The following MCC variants were observed in gnomAD, a reference collection of about 807,000 sequenced individuals.
The protein encoded by MCC is MCC regulator of Wnt signaling pathway, also known as colorectal mutant cancer protein.
In MCC, 90 loss-of-function variants were observed where a neutral mutation model predicts 116.2. The observed-to-expected ratio is 0.77, with a 90% CI of 0.65 to 0.92. MCC has a LOEUF of 0.92. Among genes scored for constraint, MCC ranks in the 40% least tolerant of loss-of-function variants. MCC has a pLI of 0.00. For synonymous variants in MCC, 578 were observed against 510.5 expected (o/e 1.13, Z -1.78); for missense variants, 1,516 against 1,312.2 (o/e 1.16, Z -2.40).
At chr5:113,443,804 A>G (rs1394932346) in intron 1 of MCC, among the ~76,000 whole-genome samples, 1 of 151,988 alleles carries the variant, frequency 6.6e-6, no homozygotes, top group Non-Finnish European at 1.5e-5. Context: ...ACATTTATTG[A>G]TTTGCATATG....
At chr5:113,156,412 G>A (rs552080204) in intron 3 of MCC, among the ~76,000 whole-genome samples, 12 of 152,298 alleles carry the variant, frequency 7.9e-5, no homozygotes, top group African/African-American at 2.2e-4. Context: ...CTCAACAAAC[G>A]GGTTTGTTTG....
At chr5:113,248,996 A>AC (rs1427264632) in intron 3 of MCC, among the ~76,000 whole-genome samples, 2 of 152,014 alleles carry the variant, frequency 1.3e-5, no homozygotes, top group Non-Finnish European at 2.9e-5. Context: ...GGTGTGCATC[A>AC]CCATGCCTGG....
At chr5:113,396,144 A>G (rs763306698) in intron 1 of MCC, among the ~76,000 whole-genome samples, 1 of 152,104 alleles carries the variant, frequency 6.6e-6, no homozygotes, top group Non-Finnish European at 1.5e-5. Flanking sequence ...CCTGGGCAAC[A>G]TGGCAAGACC....
intron 2 of MCC, among the ~76,000 whole-genome samples, chr5:113,375,114 T>C (rs1768951033): frequency 6.6e-6 from 1 of 152,140 alleles, no homozygotes; most frequent in South Asian, 2.1e-4. Flanking sequence ...CACAGGGACA[T>C]TGAATTTAAT....
chr5:113,308,538 T>G (rs190935833), intron 3 of MCC, among the ~76,000 whole-genome samples: 154 of 152,264 alleles, frequency 1.0e-3, no homozygotes, highest in African/African-American at 3.6e-3. Context: ...GACTAACACT[T>G]TGGGCTAGGC....
intron 3 of MCC, among the ~76,000 whole-genome samples, chr5:113,238,824 T>C (rs1377868402): frequency 6.6e-6 from 1 of 152,220 alleles, no homozygotes; most frequent in Non-Finnish European, 1.5e-5. Context: ...AAATGGCATT[T>C]CCAATTTTTG....
At chr5:113,473,496 C>T (rs1000507171) in intron 1 of MCC, among the ~76,000 whole-genome samples, 1 of 152,096 alleles carries the variant, frequency 6.6e-6, no homozygotes, top group Non-Finnish European at 1.5e-5. Context: ...TATGCTCTAT[C>T]CTGGATGACA....
At chr5:113,231,525 C>CA (rs1422627926) in intron 3 of MCC, among the ~76,000 whole-genome samples, 4 of 146,930 alleles carry the variant, frequency 2.7e-5, no homozygotes, top group Non-Finnish European at 5.9e-5. Context: ...GGTGATGTTT[C>CA]ACCCATTAGT....
intron 1 of MCC, among the ~76,000 whole-genome samples, chr5:113,480,784 T>C (rs1460636698): frequency 6.6e-6 from 1 of 152,222 alleles, no homozygotes; most frequent in African/African-American, 2.4e-5. Flanking sequence ...TTATTTATTT[T>C]ATTTTATTTT....
chr5:113,136,848 A>C (rs369655505), intron 5 of MCC, among the ~76,000 whole-genome samples: 173 of 152,180 alleles, frequency 1.1e-3, no homozygotes, highest in African/African-American at 3.6e-3. Flanking sequence ...GATGCCCTTT[A>C]TTTCTTTCTT....
At chr5:113,153,547 G>A (rs1415738212) in intron 3 of MCC, among the ~76,000 whole-genome samples, 1 of 152,222 alleles carries the variant, frequency 6.6e-6, no homozygotes, top group African/African-American at 2.4e-5. Flanking sequence ...CAAGGGGGCA[G>A]GTCCCTTCAC....
chr5:113,330,664 C>T (rs542386692), intron 3 of MCC, among the ~76,000 whole-genome samples: 1 of 152,266 alleles, frequency 6.6e-6, no homozygotes, highest in Admixed American at 6.5e-5. Context: ...AACCCCTCTT[C>T]CCCTCCCCTA....
rs1384187617 is a variant in MCC, at chr5:113,351,455, A to C, written c.416-10725T>G. 4.6e-5 allele frequency among the ~76,000 whole-genome samples: 7 copies of C among 152,280 alleles called. No individual in the cohort carries two copies. The South Asian group carries it at 1.5e-3, about 32-fold the overall frequency. On this transcript the variant is annotated intron_variant, in intron 2 of 18. Transcript: ENST00000408903. ...AGCCAGGCACAGAAAGACAAATTTC[A>C]CATGTTCTCACTTATTTGTAGGAGC...
In MCC at chr5:113,337,060, T is replaced by C. The variant is rs115000675; in HGVS notation, c.627+3459A>G. 7.2e-3 allele frequency among the ~76,000 whole-genome samples: 1,090 copies of C among 152,300 alleles called. 6 individuals carry two copies. The highest frequency in any genetic ancestry group is 0.014 in the African/African-American group (578 of 41,568). On this transcript the variant is annotated intron_variant, in intron 3 of 18. Coordinates refer to ENST00000408903, the MANE Select transcript of MCC (RefSeq NM_001085377.2). Reference sequence around the variant, plus strand: ...CATGTAAACATTTCTCCTTTGTCAATAGAGGGTGCTGGAGGGACACTGTAG... The same window carrying C: ...CATGTAAACATTTCTCCTTTGTCAACAGAGGGTGCTGGAGGGACACTGTAG...
At chr5:113,333,836 T>TACATATGTACATATATGTAC (rs372077130) in intron 3 of MCC, among the ~76,000 whole-genome samples, 3 of 59,316 alleles carry the variant, frequency 5.1e-5, no homozygotes, top group African/African-American at 3.1e-4. Flanking sequence ...TGTATATATG[T>TACATATGTACATATATGTAC]ATATATGTAT....
chr5:113,299,253 A>G (rs1163142836), intron 3 of MCC, among the ~76,000 whole-genome samples: 1 of 124,882 alleles, frequency 8.0e-6, no homozygotes, highest in Non-Finnish European at 1.6e-5. Flanking sequence ...AGATCACGCT[A>G]CTGCACTCCA....
At chr5:113,441,891 T>C (rs1771053292) in intron 1 of MCC, among the ~76,000 whole-genome samples, 1 of 152,246 alleles carries the variant, frequency 6.6e-6, no homozygotes. Flanking sequence ...ATCCAGTCTA[T>C]CATTGGTGGA....
At chr5:113,143,632 G>T (rs903943038) in intron 4 of MCC, among the ~76,000 whole-genome samples, 5 of 152,120 alleles carry the variant, frequency 3.3e-5, no homozygotes, top group African/African-American at 9.7e-5. Context: ...TCCAAGTGGG[G>T]CTATTCAAGT....
In MCC at chr5:113,043,709, G is replaced by A. The variant is rs976586869; in HGVS notation, c.2656-79C>T. 16 of 1,006,714 alleles carry A rather than the reference G, an allele frequency of 1.6e-5. 1 individual carries two copies. Among genetic ancestry groups the A allele is most frequent in the East Asian group, 1.0e-4 (4 of 39,644 alleles). The allele number at this position is 1,006,714 out of a possible 1,614,324, so 62.4% of individuals were successfully genotyped here. On this transcript the variant is annotated intron_variant, in intron 16 of 18. Coordinates refer to ENST00000408903, the MANE Select transcript of MCC (RefSeq NM_001085377.2). ...TGGAAGCCTGCAGCAGAGCGCGGTA[G>A]GTGGCTCGTGCAGTGATGGCAGCAG...
Sources: allele counts gnomAD v4.1 joint callset (sites outside exome capture counted in the v4.1 genomes callset), GRCh38; gene constraint gnomAD v4.1.1; transcripts MANE v1.5; gene names NCBI Gene and HGNC (gene_info 2026-07-23, HGNC 2026-07-21).